NOP53: variants seen among roughly 807,000 people sequenced by gnomAD.
NOP53 encodes the protein ribosome biogenesis protein NOP53.
Under a neutral mutation model 61.0 loss-of-function variants are expected in NOP53, and 40 were observed. The ratio of observed to expected loss-of-function variants is 0.66; its 90% CI spans 0.51 to 0.85. The LOEUF (loss-of-function observed/expected upper bound fraction) is 0.85, where lower values mean the gene tolerates loss of function less well. Among genes scored for constraint, NOP53 ranks in the 40% least tolerant of loss-of-function variants. The pLI, the probability that NOP53 is intolerant of heterozygous loss-of-function variation, is 0.00. For synonymous variants in NOP53, 308 were observed against 289.5 expected, an observed-to-expected ratio of 1.06 and a Z score of -0.65; for missense variants, 689 against 652.9, an observed-to-expected ratio of 1.06 and a Z score of -0.60.
intron 1 of NOP53, chr19:47,746,184 A>T (rs1339362557): frequency 6.2e-6 from 1 of 160,474 alleles, no homozygotes; most frequent in Non-Finnish European, 1.4e-5. Context: ...GTGTGTATAT[A>T]TATGTATATA....
At chr19:47,748,825 G>A (rs1967092751) in intron 2 of NOP53, among the ~76,000 whole-genome samples, 1 of 152,158 alleles carries the variant, frequency 6.6e-6, no homozygotes, top group African/African-American at 2.4e-5. Context: ...GTTGCAGTGA[G>A]CCAAGATCAT....
Position 47,752,548 on chromosome 19 carries a change from C to A in NOP53, c.706C>A (p.Pro236Thr). ...CCTGCACACCAAGCCGTCCCAGGCA[C>A]CCGCCGTGGAGGTGGCGCCTGCCGG... The part of the protein sequence containing the change: ...ARLHTKPSQA[P>T]AVEVAPAGAS... The change falls in exon 6 of 13, where the codon CCC becomes ACC. Residue 236 changes from proline (P) to threonine (T), a missense_variant. Coordinates refer to ENST00000246802, the MANE Select transcript of NOP53 (RefSeq NM_015710.5). 1 of 1,610,416 alleles carries A rather than the reference C, an allele frequency of 6.2e-7. No homozygotes were observed.
chr19:47,754,416 G>A lies in NOP53; in HGVS notation c.766-111G>A. The A allele has an allele frequency of 1.2e-6, 1 of 837,392 alleles. No individual in the cohort carries two copies. Among genetic ancestry groups the A allele is most frequent in the Admixed American group, 2.1e-5 (1 of 46,660 alleles). The allele number at this position is 837,392 out of a possible 1,614,324, so 51.9% of individuals were successfully genotyped here. ...GACGGGGTGTGGGGAGGAAAGCCTG[G>A]GCCGGGGCGGGATCCACGGGCACTG... is the stretch of plus-strand genomic sequence containing the variant. On this transcript the variant is annotated intron_variant, in intron 6 of 12. Coordinates refer to ENST00000246802, the MANE Select transcript of NOP53 (RefSeq NM_015710.5). This position sits in a 1 kb window ranked among gnomAD's most constrained non-coding sequence, Gnocchi z 4.2.
chr19:47,755,220 A>T, intron 8 of NOP53, 128 bp from the exon 9 acceptor site: 1 of 607,184 alleles, frequency 1.6e-6, no homozygotes, highest in Non-Finnish European at 2.7e-6. Context: ...GGGGCCGCTG[A>T]TGTGACGGGG....
chr19:47,755,498 A>G lies in NOP53; in HGVS notation c.1204A>G (p.Lys402Glu), dbSNP rs976569797. ...RQARREAEAD[K>E]PRRLGRLKYQ... ...GGCGCGGCGGGAGGCTGAGGCTGAC[A>G]AGCCCCGAAGGCTGGGGCGGCTCAA... Residue 402 changes from lysine to glutamate, a missense_variant, in exon 9 of 13, where the codon AAG (lysine) becomes GAG (glutamate). By Grantham distance (56) the Lys-to-Glu change is moderately conservative (BLOSUM62 1). Transcript: ENST00000246802. 51 of 1,476,252 alleles carry G rather than the reference A, an allele frequency of 3.5e-5. No homozygotes were observed. In the African/African-American group the frequency reaches 5.2e-4, roughly 15 times the overall value. 91.4% of individuals were successfully genotyped at this position (1,476,252 alleles called of 1,614,324 possible). A position where few individuals can be genotyped will look rare whatever the true frequency, so the allele number is the denominator to read the frequency against.
chr19:47,754,157 A>C lies in NOP53; in HGVS notation c.766-370A>C. The C allele has an allele frequency of 2.0e-5, 4 of 201,348 alleles. No individual in the cohort carries two copies. The highest frequency in any genetic ancestry group is 1.0e-5 in the Non-Finnish European group (1 of 98,824). The allele number at this position is 201,348 out of a possible 1,614,324, so 12.5% of individuals were successfully genotyped here. ...CCGGGTATGGTGGCACATGCCTGTA[A>C]TAGTAGCTACTCGGGAGGCTGAGGC... On this transcript the variant is annotated intron_variant, in intron 6 of 12. Transcript: ENST00000246802. This position sits in a 1 kb window ranked among gnomAD's most constrained non-coding sequence, Gnocchi z 4.2.
rs529630048 is a variant in NOP53, at chr19:47,745,810, T to G, written c.224+27T>G. 8.8e-6 allele frequency: 12 copies of G among 1,366,800 alleles called. No individual in the cohort carries two copies. In the African/African-American group the frequency reaches 1.9e-4, roughly 22 times the overall value. The allele number at this position is 1,366,800 out of a possible 1,614,324, so 84.7% of individuals were successfully genotyped here. A position where few individuals can be genotyped will look rare whatever the true frequency, so the allele number is the denominator to read the frequency against. ...TACGTTGGGCGGGACTTCCGGGAGG[T>G]GGGACGGTTCCTGCGCCCAGGTGCA... On this transcript the variant is annotated intron_variant, in intron 1 of 12. Coordinates refer to ENST00000246802, the MANE Select transcript of NOP53 (RefSeq NM_015710.5).
At chr19:47,751,129 T>C in intron 4 of NOP53, 22 bp downstream of exon 4, 1 of 1,576,150 alleles carries the variant, frequency 6.3e-7, no homozygotes. Flanking sequence ...TGCTGTCACC[T>C]ATGAATGGGG....
In NOP53 at chr19:47,755,409, G is replaced by A. The variant is rs951296972; in HGVS notation, c.1115G>A (p.Arg372His). The A allele has an allele frequency of 1.2e-5, 19 of 1,533,954 alleles. No homozygotes were observed. Among genetic ancestry groups the A allele is most frequent in the East Asian group, 5.0e-5 (2 of 39,836 alleles). ...CGGCACCAGGAGCTGTTCCGGCTGC[G>A]CGGGATCAAGGCCCAGGTGGCCCTG... is the stretch of plus-strand genomic sequence containing the variant. ...RLRHQELFRL[R>H]GIKAQVALRL... is the part of the protein sequence containing the mutation. The change falls in exon 9 of 13, where the codon CGC becomes CAC. Residue 372 changes from arginine to histidine, a missense_variant. Transcript: ENST00000246802.
chr19:47,756,974 C>G, intron 12 of NOP53, 25 bp from the exon 13 acceptor site: 1 of 1,614,032 alleles, frequency 6.2e-7, no homozygotes, highest in Non-Finnish European at 8.5e-7. Flanking sequence ...CTCACCCACC[C>G]TCAGCTCCTT....
chr19:47,751,451 TGG>T, intron 4 of NOP53, 67 bp from the exon 5 acceptor site: 1 of 1,209,946 alleles, frequency 8.3e-7, no homozygotes, highest in Non-Finnish European at 1.2e-6. Context: ...GTGGAGGGAT[TGG>T]GGGGGAGCCT....
chr19:47,755,006 G>A, intron 8 of NOP53, 115 bp downstream of exon 8: 1 of 985,714 alleles, frequency 1.0e-6, no homozygotes, highest in Non-Finnish European at 1.4e-6. Flanking sequence ...AGCCCCGCAT[G>A]TGGCCTGTGG....
chr19:47,754,566 C>T lies in NOP53; in HGVS notation c.805C>T (p.Gln269Ter). The T allele has an allele frequency of 6.4e-7, 1 of 1,552,684 alleles. No homozygotes were observed. Among genetic ancestry groups the T allele is most frequent in the Non-Finnish European group, 8.7e-7 (1 of 1,149,016 alleles). Reference protein sequence around the residue: ...SAAHEVELQRQKEAEKLERQL... With the variant: ...SAAHEVELQR ...GGCCCACGAGGTGGAGTTGCAGCGG[C>T]AGAAGGAGGCGGAGAAGCTGGAGCG... The change falls in exon 7 of 13, where the codon CAG becomes TAG. Residue 269 changes from glutamine to a stop codon, truncating the protein, a stop_gained. Coordinates refer to ENST00000246802, the MANE Select transcript of NOP53 (RefSeq NM_015710.5). LOFTEE classifies it high-confidence loss of function. The surrounding 1 kb of genome is among the most constrained non-coding windows in gnomAD (Gnocchi z 4.2).
intron 6 of NOP53, chr19:47,753,198 C>T (rs11083893): frequency 0.44 from 67,826 of 152,492 alleles, 17,248 homozygotes; most frequent in South Asian, 0.61. Context: ...AATCCCAGCA[C>T]TTTGGGAGGC....
intron 10 of NOP53, 95 bp from the exon 11 acceptor site, chr19:47,756,433 C>T (rs1268628190): frequency 1.1e-6 from 1 of 949,154 alleles, no homozygotes; most frequent in African/African-American, 1.6e-5. Context: ...TGGGGGGAGA[C>T]TGCATGGGGC....
At position 47,754,719 on chromosome 19, in the gene NOP53, T is replaced by G; in HGVS notation, c.881T>G (p.Phe294Cys). The G allele has an allele frequency of 1.3e-6, 2 of 1,532,942 alleles. No homozygotes were observed. The highest frequency in any genetic ancestry group is 1.8e-6 in the Non-Finnish European group (2 of 1,135,656). The allele number at this position is 1,532,942 out of a possible 1,614,324, so 95.0% of individuals were successfully genotyped here. ...TEQAATQESTFQELCEGLLEE... is the reference protein window; with the variant it reads ...TEQAATQESTCQELCEGLLEE... The stretch of plus-strand genomic sequence containing the variant: ...ACCCCGCCTCCCCAGGAGTCCACAT[T>G]CCAGGAGCTGTGCGAGGGGCTGCTG... The change falls in exon 8 of 13, where the codon TTC becomes TGC. Residue 294 changes from phenylalanine to cysteine, a missense_variant. Phe to Cys is a radical substitution (Grantham distance 205, BLOSUM62 -2). Coordinates refer to ENST00000246802, the MANE Select transcript of NOP53 (RefSeq NM_015710.5). This position sits in a 1 kb window ranked among gnomAD's most constrained non-coding sequence, Gnocchi z 4.2.
chr19:47,754,827 G>C lies in NOP53; in HGVS notation c.989G>C (p.Arg330Pro). 6.5e-7 allele frequency: 1 copy of C among 1,537,876 alleles called. No individual in the cohort carries two copies. The highest frequency in any genetic ancestry group is 8.7e-7 in the Non-Finnish European group (1 of 1,149,284). The change falls in exon 8 of 13, where the codon CGC becomes CCC. Residue 330 changes from arginine to proline, a missense_variant. Transcript: ENST00000246802. The surrounding 1 kb of genome is among the most constrained non-coding windows in gnomAD (Gnocchi z 4.2). Reference protein sequence around the residue: ...GDAEVCPTPARLATTEKKTEQ... With the variant: ...GDAEVCPTPAPLATTEKKTEQ... ...GCCGAGGTCTGTCCCACGCCCGCCC[G>C]CCTGGCCACCACAGAGAAGAAGACG...
At position 47,745,730 on chromosome 19, in the gene NOP53, G is replaced by C. The variant is rs750121659; in HGVS notation, c.171G>C (p.Gly57=). ...GGCGGCTTGCTCAGGAGCCGCTGGG[G>C]CTGGAGGTTGACCAGTTCCTGGAAG... ...GWRRLAQEPL[G]LEVDQFLEDV... is the part of the protein sequence containing the mutation. Residue 57 remains glycine (G), a synonymous_variant, in exon 1 of 13, where the codon GGG becomes GGC. Coordinates refer to ENST00000246802, the MANE Select transcript of NOP53 (RefSeq NM_015710.5). The C allele has an allele frequency of 6.2e-7, 1 of 1,607,984 alleles. No individual in the cohort carries two copies. The highest frequency in any genetic ancestry group is 8.5e-7 in the Non-Finnish European group (1 of 1,177,160).
At chr19:47,749,990 T>C (rs1599915060) in intron 2 of NOP53, among the ~76,000 whole-genome samples, 188 bp from the exon 3 acceptor site, 1 of 151,792 alleles carries the variant, frequency 6.6e-6, no homozygotes, top group Non-Finnish European at 1.5e-5. Context: ...TTGTGGAGGG[T>C]CAGAGCTTGG....
Sources: gnomAD v4.1 joint callset for allele counts (sites outside exome capture counted in the v4.1 genomes callset) on GRCh38, gnomAD v4.1.1 for gene constraint, Gnocchi (gnomAD v3.1) non-coding constraint, MANE v1.5 for transcripts, NCBI Gene and HGNC (gene_info 2026-07-23, HGNC 2026-07-21) for gene names.